Variants in SMIM18 observed in about 807,000 individuals in gnomAD.
The protein encoded by SMIM18 is small integral membrane protein 18.
Under a neutral mutation model 5.9 loss-of-function variants are expected in SMIM18, and 4 were observed. That is an observed-to-expected ratio of 0.68 (90% CI 0.33 to 1.56). The LOEUF is 1.56. SMIM18 is among the 40% of genes most tolerant of loss of function. The pLI is 0.06. For synonymous variants in SMIM18, 37 were observed against 37.4 expected (o/e 0.99, Z 0.04); for missense variants, 89 against 109.7 (o/e 0.81, Z 0.84).
chr8:30,640,594 C>T (rs1307342813), intron 1 of SMIM18, among the ~76,000 whole-genome samples: 2 of 152,140 alleles, frequency 1.3e-5, no homozygotes, highest in East Asian at 1.9e-4. Context: ...TTTTTATATA[C>T]ACCATTTTCT....
Position 30,638,603 on chromosome 8 carries a change from G to A in SMIM18, c.-147G>A, listed in dbSNP as rs565457056. ...GCACTAGACTGCATTACAAACAGAC[G>A]ATACCATCGCTTCAGCAGCATCCTC... On this transcript the variant is annotated 5_prime_UTR_variant, in exon 1 of 3. Coordinates refer to ENST00000517349, the MANE Select transcript of SMIM18 (RefSeq NM_001206847.2). 2.0e-5 allele frequency: 3 copies of A among 152,590 alleles called. No homozygotes were observed. Among genetic ancestry groups the A allele is most frequent in the African/African-American group, 4.8e-5 (2 of 41,422 alleles). The allele number at this position is 152,590 out of a possible 1,614,324, so 9.5% of individuals were successfully genotyped here.
chr8:30,640,725 G>A (rs78748772), intron 1 of SMIM18, among the ~76,000 whole-genome samples: 10 of 152,246 alleles, frequency 6.6e-5, no homozygotes, highest in African/African-American at 2.4e-4. Context: ...TTGGCGGGGG[G>A]ACGGAGTCTC....
chr8:30,643,864 T>C (rs1425452248), intron 1 of SMIM18: 2 of 151,634 alleles, frequency 1.3e-5, no homozygotes. Context: ...TTTCGTTAAA[T>C]GAAACACTCT....
At position 30,645,729 on chromosome 8, in the gene SMIM18, G is replaced by C; in HGVS notation, c.*132G>C. 1 of 911,886 alleles carries C rather than the reference G, an allele frequency of 1.1e-6. No homozygotes were observed. The highest frequency in any genetic ancestry group is 2.7e-5 in the East Asian group (1 of 37,510). 56.5% of individuals were successfully genotyped at this position (911,886 alleles called of 1,614,324 possible). A position where few individuals can be genotyped will look rare whatever the true frequency, so the allele number is the denominator to read the frequency against. ...GGTTAAAACATTTCTAGTAGAAGGGGAAAAAAAAGTTAAACATGCACTGTT... is the reference window on the plus strand; with the variant it reads ...GGTTAAAACATTTCTAGTAGAAGGGCAAAAAAAAGTTAAACATGCACTGTT... On this transcript the variant is annotated 3_prime_UTR_variant, in exon 3 of 3. Coordinates refer to ENST00000517349, the MANE Select transcript of SMIM18 (RefSeq NM_001206847.2).
intron 1 of SMIM18, among the ~76,000 whole-genome samples, chr8:30,641,322 C>A (rs1431274755): frequency 6.6e-6 from 1 of 152,090 alleles, no homozygotes; most frequent in Admixed American, 6.6e-5. Context: ...TTGGAGGTGG[C>A]CTATGGTGTT....
intron 2 of SMIM18, 67 bp from the exon 3 acceptor site, chr8:30,645,214 A>T: frequency 8.0e-7 from 1 of 1,254,644 alleles, no homozygotes; most frequent in Non-Finnish European, 1.1e-6. Flanking sequence ...AAGAAATCTT[A>T]GTACTGAGAT....
rs1430023208 is a variant in SMIM18, at chr8:30,645,341, CCT to C, written c.35_36del (p.Ser12CysfsTer17). Reference sequence around the variant, plus strand: ...TCCAGCCACTGGAATGAAACCACTACCTCTGTTTATCAGTACCTTGGTTTTCA... The same window carrying C: ...TCCAGCCACTGGAATGAAACCACTACCTGTTTATCAGTACCTTGGTTTTCA... On this transcript the variant is annotated frameshift_variant, in exon 3 of 3. Transcript: ENST00000517349. LOFTEE classifies it high-confidence loss of function. The C allele has an allele frequency of 6.5e-7, 1 of 1,535,626 alleles. No individual in the cohort carries two copies. Among genetic ancestry groups the C allele is most frequent in the Non-Finnish European group, 8.7e-7 (1 of 1,146,892 alleles).
chr8:30,641,375 T>C (rs1801821336), intron 1 of SMIM18, among the ~76,000 whole-genome samples: 2 of 152,214 alleles, frequency 1.3e-5, no homozygotes, highest in South Asian at 4.1e-4. Flanking sequence ...TTGGTTTGGT[T>C]TTTTTGAGAC....
Position 30,645,616 on chromosome 8 carries a change from C to A in SMIM18, c.*19C>A. ...GGTCTAACACTCTATAGAAGATGAA[C>A]AAAATCTCTGAAAGCAGCTCAACCT... On this transcript the variant is annotated 3_prime_UTR_variant, in exon 3 of 3. Coordinates refer to ENST00000517349, the MANE Select transcript of SMIM18 (RefSeq NM_001206847.2). 1.3e-6 allele frequency: 2 copies of A among 1,513,526 alleles called. No homozygotes were observed. Among genetic ancestry groups the A allele is most frequent in the South Asian group, 1.2e-5 (1 of 80,260 alleles). 93.8% of individuals were successfully genotyped at this position (1,513,526 alleles called of 1,614,324 possible).
chr8:30,639,618 C>G (rs1801739664), intron 1 of SMIM18, among the ~76,000 whole-genome samples: 1 of 152,040 alleles, frequency 6.6e-6, no homozygotes, highest in Non-Finnish European at 1.5e-5. Context: ...TAACTGCTGA[C>G]CAAATTTCTA....
intron 1 of SMIM18, among the ~76,000 whole-genome samples, chr8:30,639,715 C>T (rs751838442): frequency 1.4e-4 from 22 of 152,024 alleles, no homozygotes; most frequent in Admixed American, 5.2e-4. Flanking sequence ...AAAGAGCCAG[C>T]TTCTGTCCTT....
chr8:30,640,511 T>G (rs150167714), intron 1 of SMIM18, among the ~76,000 whole-genome samples: 1 of 152,298 alleles, frequency 6.6e-6, no homozygotes, highest in African/African-American at 2.4e-5. Context: ...GTGATTTACT[T>G]TAAAGCTCCC....
Position 30,644,785 on chromosome 8 carries a change from C to T in SMIM18, c.-30+213C>T, listed in dbSNP as rs1802003393. Among the ~76,000 whole-genome samples the T allele has an allele frequency of 2.0e-5, 3 of 151,054 alleles. No homozygotes were observed. In the South Asian group the frequency reaches 6.3e-4, roughly 31 times the overall value. On this transcript the variant is annotated intron_variant, in intron 2 of 2. Coordinates refer to ENST00000517349, the MANE Select transcript of SMIM18 (RefSeq NM_001206847.2). ...TTTTTTTTGAGAAACGGTTTCATTC[C>T]CATTGTCCAGGCTAGAATGCAGTGG...
intron 1 of SMIM18, 125 bp from the exon 2 acceptor site, chr8:30,644,365 CTT>C (rs1444948778): frequency 1.3e-5 from 2 of 152,168 alleles, no homozygotes; most frequent in African/African-American, 2.4e-5. Context: ...ATACGAAACA[CTT>C]AAGACTATCA....
In SMIM18 at chr8:30,645,824, A is replaced by AC; in HGVS notation, c.*228dup. ...ATGTGAATTTACTAATCTGTTTAAT[A>AC]CTGACACTTCAAAAACTGGATAAAA... is the stretch of plus-strand genomic sequence containing the variant. On this transcript the variant is annotated 3_prime_UTR_variant, in exon 3 of 3. Transcript: ENST00000517349. 1.4e-5 allele frequency: 6 copies of AC among 443,052 alleles called. No homozygotes were observed. Among genetic ancestry groups the AC allele is most frequent in the South Asian group, 9.4e-5 (2 of 21,356 alleles). 27.4% of individuals were successfully genotyped at this position (443,052 alleles called of 1,614,324 possible). A position where few individuals can be genotyped will look rare whatever the true frequency, so the allele number is the denominator to read the frequency against.
intron 1 of SMIM18, among the ~76,000 whole-genome samples, chr8:30,639,371 T>C (rs1329482393): frequency 6.6e-6 from 1 of 152,190 alleles, no homozygotes; most frequent in Non-Finnish European, 1.5e-5. Context: ...AAAAACCTTC[T>C]TAAATAGCCT....
rs1292068016 is a variant in SMIM18 at position 30,645,912 on chromosome 8, A to C, written c.*315A>C. On this transcript the variant is annotated 3_prime_UTR_variant, in exon 3 of 3. Transcript: ENST00000517349. ...CTGGAAAAGACAAGCAAGGCTAATG[A>C]TGCTAAAATGATTTTATAACTAACC... 4.4e-6 allele frequency: 1 copy of C among 225,318 alleles called. No individual in the cohort carries two copies. The highest frequency in any genetic ancestry group is 5.2e-5 in the Admixed American group (1 of 19,202). 14.0% of individuals were successfully genotyped at this position (225,318 alleles called of 1,614,324 possible).
At position 30,645,578 on chromosome 8, in the gene SMIM18, G is replaced by A. The variant is rs1452984421; in HGVS notation, c.269G>A (p.Arg90His). ...AGTATGATGGACAACATCAGAAAACGTGAAACTGAAGTGGTCTAACACTCT... is the reference window on the plus strand; with the variant it reads ...AGTATGATGGACAACATCAGAAAACATGAAACTGAAGTGGTCTAACACTCT... ...LRSMMDNIRK[R>H]ETEVV The change falls in exon 3 of 3, where the codon CGT becomes CAT. Residue 90 changes from arginine to histidine, a missense_variant. By Grantham distance (29) the Arg-to-His change is conservative. Coordinates refer to ENST00000517349, the MANE Select transcript of SMIM18 (RefSeq NM_001206847.2). 22 of 1,535,414 alleles carry A rather than the reference G, an allele frequency of 1.4e-5. No homozygotes were observed. Among genetic ancestry groups the A allele is most frequent in the African/African-American group, 2.7e-5 (2 of 72,990 alleles).
intron 1 of SMIM18, among the ~76,000 whole-genome samples, chr8:30,642,271 T>C (rs566585879): frequency 1.4e-5 from 2 of 147,356 alleles, no homozygotes; most frequent in Non-Finnish European, 1.5e-5. Flanking sequence ...AGGGATTTTA[T>C]CTTTTTGAAT....
Sources: allele counts gnomAD v4.1 joint callset (sites outside exome capture counted in the v4.1 genomes callset), GRCh38; gene constraint gnomAD v4.1.1; transcripts MANE v1.5; gene names NCBI Gene and HGNC (gene_info 2026-07-23, HGNC 2026-07-21).